Variants in OIT3 observed in about 807,000 individuals in gnomAD.
OIT3 encodes oncoprotein-induced transcript 3 protein.
In OIT3, 41 loss-of-function variants were observed where a neutral mutation model predicts 52.2. That is an observed-to-expected ratio of 0.79 (90% CI 0.61 to 1.02). OIT3 has a LOEUF of 1.02. Ranked by LOEUF, OIT3 falls within the 50% of genes least tolerant of loss-of-function variation. The pLI is 0.00. For missense variants in OIT3, 634 were observed against 715.5 expected, an observed-to-expected ratio of 0.89 and a Z score of 1.30; for synonymous variants, 244 against 276.9, an observed-to-expected ratio of 0.88 and a Z score of 1.18.
chr10:72,925,143 A>G (rs1239149400), intron 7 of OIT3, among the ~76,000 whole-genome samples: 1 of 151,782 alleles, frequency 6.6e-6, no homozygotes, highest in Non-Finnish European at 1.5e-5. Context: ...AAAGGCTCCA[A>G]GTGGTCTAAC....
intron 6 of OIT3, among the ~76,000 whole-genome samples, chr10:72,918,848 C>T (rs1382813017): frequency 6.6e-6 from 1 of 152,178 alleles, no homozygotes; most frequent in African/African-American, 2.4e-5. Context: ...GTTCTTGTAC[C>T]AATACCATGC....
chr10:72,920,095 T>C (rs953021104), intron 6 of OIT3, among the ~76,000 whole-genome samples: 1 of 152,188 alleles, frequency 6.6e-6, no homozygotes, highest in Non-Finnish European at 1.5e-5. Context: ...TTTTTGGTTG[T>C]AGGCTATTAC....
Position 72,932,664 on chromosome 10 carries a change from C to A in OIT3, c.*140C>A, listed in dbSNP as rs77349524. The A allele has an allele frequency of 1.3e-3, 935 of 708,370 alleles. 14 individuals carry two copies. In the East Asian group the frequency reaches 0.02, roughly 15 times the overall value. 43.9% of individuals were successfully genotyped at this position (708,370 alleles called of 1,614,324 possible). ...TTCAGACTCCCAGCACCAACTCACT[C>A]TGATTCTGGTCCATTCAGTGGGCAC... On this transcript the variant is annotated 3_prime_UTR_variant, in exon 9 of 9. Coordinates refer to ENST00000334011, the MANE Select transcript of OIT3 (RefSeq NM_152635.3).
chr10:72,893,997 C>T, intron 1 of OIT3, 138 bp downstream of exon 1: 1 of 540,736 alleles, frequency 1.8e-6, no homozygotes, highest in Non-Finnish European at 3.1e-6. Flanking sequence ...CCTAATAATC[C>T]TTGAAAATAG....
intron 6 of OIT3, among the ~76,000 whole-genome samples, chr10:72,920,771 C>T (rs895950401): frequency 2.0e-5 from 3 of 152,056 alleles, no homozygotes; most frequent in East Asian, 1.9e-4. Context: ...AGTTCTAATT[C>T]GATTGTGCTG....
chr10:72,898,816 AC>A lies in OIT3; in HGVS notation c.216del (p.Phe73SerfsTer22), dbSNP rs778577410. ...GGGCATGGCGGGAGATGCCATGCCTACCTTCTGCATACCAGAAAACCACTGT... is the reference window on the plus strand; with the variant it reads ...GGGCATGGCGGGAGATGCCATGCCTACTTCTGCATACCAGAAAACCACTGT... ...FTGMAGDAMP[T>X]FCIPENHCGT... On this transcript the variant is annotated frameshift_variant, in exon 2 of 9. Coordinates refer to ENST00000334011, the MANE Select transcript of OIT3 (RefSeq NM_152635.3). LOFTEE classifies it high-confidence loss of function. 2 of 1,614,090 alleles carry A rather than the reference AC, an allele frequency of 1.2e-6. No homozygotes were observed. The highest frequency in any genetic ancestry group is 1.7e-6 in the Non-Finnish European group (2 of 1,179,970).
chr10:72,931,103 T>G (rs917512676), intron 8 of OIT3, among the ~76,000 whole-genome samples: 1 of 151,580 alleles, frequency 6.6e-6, no homozygotes, highest in Non-Finnish European at 1.5e-5. Flanking sequence ...AATACAACAC[T>G]TACAAGGTTA....
intron 4 of OIT3, among the ~76,000 whole-genome samples, chr10:72,908,993 A>G (rs1309463360): frequency 6.7e-6 from 1 of 148,520 alleles, no homozygotes; most frequent in African/African-American, 2.5e-5. Flanking sequence ...ACATGGATAT[A>G]TTGCTTAATG....
intron 7 of OIT3, among the ~76,000 whole-genome samples, chr10:72,930,133 A>C (rs532219762): frequency 7.2e-5 from 11 of 152,304 alleles, no homozygotes; most frequent in African/African-American, 2.6e-4. Flanking sequence ...ATAGTTAATA[A>C]ATTTTGTTAA....
intron 3 of OIT3, among the ~76,000 whole-genome samples, chr10:72,901,220 T>C (rs1845932286): frequency 6.6e-6 from 1 of 152,186 alleles, no homozygotes; most frequent in Non-Finnish European, 1.5e-5. Flanking sequence ...TTTAAATATG[T>C]AATTTGCTTT....
chr10:72,932,535 T>A lies in OIT3; in HGVS notation c.*11T>A. On this transcript the variant is annotated 3_prime_UTR_variant, in exon 9 of 9. Coordinates refer to ENST00000334011, the MANE Select transcript of OIT3 (RefSeq NM_152635.3). ...GACTGGGAGGACTAGTTCGTAGCCA[T>A]ACCTCGAGTCCCTGCATTGGACGGC... is the stretch of plus-strand genomic sequence containing the variant. 6.3e-7 allele frequency: 1 copy of A among 1,585,250 alleles called. No homozygotes were observed.
chr10:72,917,238 G>A (rs1846080626), intron 6 of OIT3, among the ~76,000 whole-genome samples: 1 of 151,824 alleles, frequency 6.6e-6, no homozygotes, highest in Non-Finnish European at 1.5e-5. Flanking sequence ...CTTTGCTTGT[G>A]CCTCTGTCTC....
chr10:72,918,460 C>A, intron 6 of OIT3: 2 of 920,102 alleles, frequency 2.2e-6, no homozygotes, highest in Non-Finnish European at 3.6e-6. Flanking sequence ...TCATCTTTGT[C>A]AGCCTTAATT....
At chr10:72,901,871 A>G (rs1227701128) in intron 3 of OIT3, among the ~76,000 whole-genome samples, 2 of 152,104 alleles carry the variant, frequency 1.3e-5, no homozygotes, top group Non-Finnish European at 2.9e-5. Context: ...GTGAGACCCC[A>G]TCTCTATAAA....
chr10:72,894,689 C>G (rs1449699030), intron 1 of OIT3, among the ~76,000 whole-genome samples: 2 of 152,026 alleles, frequency 1.3e-5, no homozygotes, highest in African/African-American at 2.4e-5. Flanking sequence ...ACCAGCCTGG[C>G]CAACATGGTG....
chr10:72,928,504 G>C (rs1846188178), intron 7 of OIT3, among the ~76,000 whole-genome samples: 1 of 152,070 alleles, frequency 6.6e-6, no homozygotes, highest in African/African-American at 2.4e-5. Flanking sequence ...CAGTTATTTT[G>C]AGATAAAGAT....
rs925462690 is a variant in OIT3, at chr10:72,918,513, C to G, written c.951+5045C>G. On this transcript the variant is annotated intron_variant, in intron 6 of 8. Transcript: ENST00000334011. ...TTCTGGGGCCTCAGGAGGCTCATGT[C>G]CATGTCCATCGAATCTTCCATCGGG... 10 of 1,411,768 alleles carry G rather than the reference C, an allele frequency of 7.1e-6. No individual in the cohort carries two copies. The Admixed American group carries it at 1.7e-4, about 24-fold the overall frequency. The allele number at this position is 1,411,768 out of a possible 1,614,324, so 87.5% of individuals were successfully genotyped here.
At position 72,928,972 on chromosome 10, in the gene OIT3, C is replaced by T. The variant is rs541127969; in HGVS notation, c.1368-1566C>T. 8.6e-5 allele frequency among the ~76,000 whole-genome samples: 13 copies of T among 152,022 alleles called. No homozygotes were observed. The East Asian group carries it at 1.5e-3, about 18-fold the overall frequency. ...CTGTAATCTCAGCACTTTGGGAGGC[C>T]GAGGCGGAAGGATCGCTTGAGTGGT... On this transcript the variant is annotated intron_variant, in intron 7 of 8. Coordinates refer to ENST00000334011, the MANE Select transcript of OIT3 (RefSeq NM_152635.3).
At chr10:72,905,997 A>G (rs1371344697) in intron 3 of OIT3, among the ~76,000 whole-genome samples, 1 of 152,222 alleles carries the variant, frequency 6.6e-6, no homozygotes, top group Non-Finnish European at 1.5e-5. Flanking sequence ...TGTTTGTAGA[A>G]AGAAAAGCAT....
Sources: allele counts gnomAD v4.1 joint callset (sites outside exome capture counted in the v4.1 genomes callset), GRCh38; gene constraint gnomAD v4.1.1; transcripts MANE v1.5; gene names NCBI Gene and HGNC (gene_info 2026-07-23, HGNC 2026-07-21).